ADAMTS19: variants seen among roughly 807,000 people sequenced by gnomAD.
ADAMTS19 encodes the protein A disintegrin and metalloproteinase with thrombospondin motifs 19.
Under a neutral mutation model 153.3 loss-of-function variants are expected in ADAMTS19, and 93 were observed. That is an observed-to-expected ratio of 0.61 (90% CI 0.51 to 0.72). The LOEUF is 0.72. Among genes scored for constraint, ADAMTS19 ranks in the 30% least tolerant of loss-of-function variants. The pLI is 0.00. For synonymous variants in ADAMTS19, 600 were observed against 556.6 expected (o/e 1.08, Z -1.10); for missense variants, 1,482 against 1,552.1 (o/e 0.95, Z 0.76).
Position 129,526,498 on chromosome 5 carries a change from A to G in ADAMTS19, c.1086+42A>G, listed in dbSNP as rs1159666906. 4 of 1,539,228 alleles carry G rather than the reference A, an allele frequency of 2.6e-6. No homozygotes were observed. The African/African-American group carries it at 5.6e-5, about 22-fold the overall frequency. On this transcript the variant is annotated intron_variant, in intron 4 of 22. Transcript: ENST00000274487. ...GTGCGCTTGGAATTTTTTCAAGAAAACTCTAAGGAAGACATGTGTGAGTAT... is the reference window on the plus strand; with the variant it reads ...GTGCGCTTGGAATTTTTTCAAGAAAGCTCTAAGGAAGACATGTGTGAGTAT...
Position 129,461,317 on chromosome 5 carries a change from G to T in ADAMTS19, c.307G>T (p.Gly103Cys). 1 of 1,325,726 alleles carries T rather than the reference G, an allele frequency of 7.5e-7. No homozygotes were observed. The highest frequency in any genetic ancestry group is 9.6e-7 in the Non-Finnish European group (1 of 1,046,310). The allele number at this position is 1,325,726 out of a possible 1,614,324, so 82.1% of individuals were successfully genotyped here. A position where few individuals can be genotyped will look rare whatever the true frequency, so the allele number is the denominator to read the frequency against. ...GGTGCCTTTGGAGGAGCCCGTGGAGGGCCGATCAGAGTCCCGGCTCCGGCC... is the reference window on the plus strand; with the variant it reads ...GGTGCCTTTGGAGGAGCCCGTGGAGTGCCGATCAGAGTCCCGGCTCCGGCC... ...APVPLEEPVE[G>C]RSESRLRPPP... Residue 103 changes from glycine to cysteine, a missense_variant, in exon 2 of 23, where the codon GGC (glycine) becomes TGC (cysteine). Around this residue, in one of 2 missense-constraint regions of ADAMTS19, gnomAD observed 866 missense variants for 827.7 expected, o/e 1.05. Transcript: ENST00000274487. The surrounding 1 kb of genome is among the most constrained non-coding windows in gnomAD (Gnocchi z 4.6).
chr5:129,706,675 A>G (rs17163047), intron 21 of ADAMTS19, among the ~76,000 whole-genome samples: 8,297 of 152,284 alleles, frequency 0.054, 745 homozygotes, highest in African/African-American at 0.19. Context: ...AAGTTTTATT[A>G]TAATATGTGA....
rs888660249 is a variant in ADAMTS19 at position 129,696,575 on chromosome 5, G to T, written c.2954+1720G>T. On this transcript the variant is annotated intron_variant, in intron 19 of 22. Transcript: ENST00000274487. ...GCCAAAGTTGTGGATCATGACCCAT[G>T]ACATGGTCTCACAGGGCCCTGAGAA... 3.3e-5 allele frequency among the ~76,000 whole-genome samples: 5 copies of T among 152,274 alleles called. No homozygotes were observed. In the East Asian group the frequency reaches 7.7e-4, roughly 24 times the overall value.
intron 3 of ADAMTS19, among the ~76,000 whole-genome samples, chr5:129,521,761 T>C (rs765702751): frequency 1.7e-4 from 26 of 152,142 alleles, no homozygotes; most frequent in South Asian, 6.2e-4. Context: ...TACTACTCAG[T>C]CACATAATTA....
At chr5:129,608,032 T>C (rs1482792558) in intron 8 of ADAMTS19, among the ~76,000 whole-genome samples, 1 of 146,256 alleles carries the variant, frequency 6.8e-6, no homozygotes, top group Non-Finnish European at 1.5e-5. Context: ...TATGTATTAC[T>C]ATATATGTAT....
chr5:129,596,373 C>T (rs1013194891), intron 7 of ADAMTS19, among the ~76,000 whole-genome samples, 186 bp from the exon 8 acceptor site: 10 of 151,900 alleles, frequency 6.6e-5, no homozygotes, highest in Admixed American at 2.0e-4. Flanking sequence ...ATGATATGAA[C>T]ATTTTTTTGC....
intron 17 of ADAMTS19, among the ~76,000 whole-genome samples, chr5:129,681,326 T>C (rs1305415852): frequency 6.6e-6 from 1 of 152,168 alleles, no homozygotes; most frequent in East Asian, 1.9e-4. Context: ...CATTTTAAAT[T>C]ACAAGGTTCT....
intron 16 of ADAMTS19, among the ~76,000 whole-genome samples, chr5:129,667,069 A>G (rs541464148): frequency 6.6e-6 from 1 of 152,300 alleles, no homozygotes; most frequent in East Asian, 1.9e-4. Context: ...CTCCCTCTAC[A>G]GTAAACGCCT....
chr5:129,636,428 T>G (rs1752537053), intron 10 of ADAMTS19, among the ~76,000 whole-genome samples: 3 of 152,226 alleles, frequency 2.0e-5, no homozygotes, highest in African/African-American at 7.2e-5. Flanking sequence ...TTCTTTTCTT[T>G]GAGGGCCTCC....
intron 16 of ADAMTS19, among the ~76,000 whole-genome samples, chr5:129,669,121 A>C (rs971380103): frequency 6.6e-6 from 1 of 151,784 alleles, no homozygotes; most frequent in South Asian, 2.1e-4. Flanking sequence ...ATTTTCAACA[A>C]GGGTACCAAG....
intron 2 of ADAMTS19, among the ~76,000 whole-genome samples, chr5:129,503,119 G>A (rs1476115737): frequency 6.6e-6 from 1 of 152,210 alleles, no homozygotes; most frequent in East Asian, 1.9e-4. Flanking sequence ...GTAAAAGCTT[G>A]TCTGTTATTG....
At chr5:129,532,370 C>G (rs955394289) in intron 6 of ADAMTS19, among the ~76,000 whole-genome samples, 12 of 152,022 alleles carry the variant, frequency 7.9e-5, no homozygotes, top group African/African-American at 1.2e-4. Flanking sequence ...TAAAGAGATA[C>G]TCAACATCAT....
At chr5:129,633,225 A>G (rs1366281524) in intron 10 of ADAMTS19, among the ~76,000 whole-genome samples, 1 of 151,776 alleles carries the variant, frequency 6.6e-6, no homozygotes, top group African/African-American at 2.4e-5. Context: ...GTTTCAATTT[A>G]CTTTTTTTAA....
chr5:129,680,238 G>A (rs1292564353), intron 17 of ADAMTS19, among the ~76,000 whole-genome samples: 1 of 152,068 alleles, frequency 6.6e-6, no homozygotes, highest in East Asian at 1.9e-4. Context: ...TATGAAGAGA[G>A]TACTATAATA....
chr5:129,724,644 A>C (rs80092096), intron 21 of ADAMTS19, among the ~76,000 whole-genome samples: 7,888 of 152,254 alleles, frequency 0.052, 280 homozygotes, highest in Middle Eastern at 0.12. Flanking sequence ...TAGGCAAAAG[A>C]AAGAGAAAAG....
At chr5:129,601,114 G>A (rs1461825350) in intron 8 of ADAMTS19, among the ~76,000 whole-genome samples, 1 of 151,974 alleles carries the variant, frequency 6.6e-6, no homozygotes, top group African/African-American at 2.4e-5. Flanking sequence ...CTCGTGATCC[G>A]CCCGCCTCGG....
At chr5:129,552,454 T>G (rs1398038283) in intron 7 of ADAMTS19, among the ~76,000 whole-genome samples, 1 of 151,746 alleles carries the variant, frequency 6.6e-6, no homozygotes, top group African/African-American at 2.4e-5. Context: ...GAGAAAATGG[T>G]CACATATATG....
chr5:129,706,605 T>C (rs1756168311), intron 21 of ADAMTS19, among the ~76,000 whole-genome samples: 1 of 151,908 alleles, frequency 6.6e-6, no homozygotes, highest in African/African-American at 2.4e-5. Context: ...TTAGTTGTTG[T>C]TAACCTCCAA....
At chr5:129,649,998 C>T (rs895216531) in intron 13 of ADAMTS19, among the ~76,000 whole-genome samples, 13 of 151,930 alleles carry the variant, frequency 8.6e-5, no homozygotes. Flanking sequence ...GGCAAGATGG[C>T]AAAACCCTGT....
Sources: gnomAD v4.1 joint callset for allele counts (sites outside exome capture counted in the v4.1 genomes callset) on GRCh38, gnomAD v4.1.1 for gene constraint, gnomAD v4.1.1 regional missense constraint, Gnocchi (gnomAD v3.1) non-coding constraint, MANE v1.5 for transcripts, NCBI Gene and HGNC (gene_info 2026-07-23, HGNC 2026-07-21) for gene names.